DCC: variants seen among roughly 807,000 people sequenced by gnomAD.
DCC encodes the protein DCC netrin 1 receptor.
Under a neutral mutation model 172.5 loss-of-function variants are expected in DCC, and 58 were observed. That is an observed-to-expected ratio of 0.34 (90% CI 0.27 to 0.42). DCC has a LOEUF of 0.42. Ranked by LOEUF, DCC falls within the 10% of genes least tolerant of loss-of-function variation. The pLI is 1.00. For synonymous variants in DCC, 709 were observed against 644.5 expected (o/e 1.10, Z -1.52); for missense variants, 1,740 against 1,791.0 (o/e 0.97, Z 0.51).
At chr18:53,118,378 G>T (rs1598819839) in intron 7 of DCC, among the ~76,000 whole-genome samples, 1 of 151,648 alleles carries the variant, frequency 6.6e-6, no homozygotes, top group Admixed American at 6.6e-5. Context: ...TTTATAACTA[G>T]AATTTCAGAT....
At chr18:52,673,349 C>T (rs1244419018) in intron 1 of DCC, among the ~76,000 whole-genome samples, 1 of 152,124 alleles carries the variant, frequency 6.6e-6, no homozygotes, top group Non-Finnish European at 1.5e-5. Context: ...TACTTTCTCC[C>T]TCTTTTCTTG....
At chr18:52,863,212 T>G (rs1278957177) in intron 2 of DCC, among the ~76,000 whole-genome samples, 3 of 152,004 alleles carry the variant, frequency 2.0e-5, no homozygotes, top group Non-Finnish European at 4.4e-5. Context: ...TTATAACATT[T>G]CTTACCGAAA....
At chr18:52,874,555 T>A (rs2039373400) in intron 2 of DCC, among the ~76,000 whole-genome samples, 1 of 152,242 alleles carries the variant, frequency 6.6e-6, no homozygotes, top group African/African-American at 2.4e-5. Flanking sequence ...TCAGGTTTAA[T>A]TTTTCATCTA....
chr18:53,413,621 T>C (rs938379573), intron 20 of DCC, among the ~76,000 whole-genome samples: 1 of 152,218 alleles, frequency 6.6e-6, no homozygotes, highest in Non-Finnish European at 1.5e-5. Context: ...TTACATGTGG[T>C]TATTTATCCC....
intron 1 of DCC, chr18:52,419,780 T>C (rs950690312): frequency 2.0e-5 from 3 of 152,180 alleles, no homozygotes; most frequent in Admixed American, 6.5e-5. Context: ...TAATTTCTTA[T>C]TAAAACCCAT....
chr18:52,771,177 G>A (rs1034672591), intron 2 of DCC, among the ~76,000 whole-genome samples: 1 of 152,140 alleles, frequency 6.6e-6, no homozygotes, highest in Non-Finnish European at 1.5e-5. Context: ...CATTAGAGCT[G>A]GTGCTTGAGC....
intron 23 of DCC, among the ~76,000 whole-genome samples, chr18:53,456,977 G>A (rs1041012639): frequency 6.6e-6 from 1 of 152,170 alleles, no homozygotes; most frequent in Non-Finnish European, 1.5e-5. Flanking sequence ...GGCTCTCCAA[G>A]GCCAAAGATT....
chr18:52,849,162 T>C (rs1399406628), intron 2 of DCC, among the ~76,000 whole-genome samples: 1 of 152,098 alleles, frequency 6.6e-6, no homozygotes, highest in Non-Finnish European at 1.5e-5. Context: ...AATCATATAG[T>C]TGGGAAAAGG....
intron 5 of DCC, among the ~76,000 whole-genome samples, chr18:52,939,395 GTTA>G (rs913141270): frequency 2.0e-5 from 3 of 152,156 alleles, no homozygotes; most frequent in African/African-American, 7.2e-5. Flanking sequence ...ATCACAGTCT[GTTA>G]TTATCTACTT....
chr18:52,521,174 G>A (rs927837207), intron 1 of DCC, among the ~76,000 whole-genome samples: 2 of 136,582 alleles, frequency 1.5e-5, no homozygotes, highest in East Asian at 1.9e-4. Context: ...TACTTGAATT[G>A]TGAATTTTTT....
chr18:52,508,735 T>C (rs1244344834), intron 1 of DCC, among the ~76,000 whole-genome samples: 1 of 152,204 alleles, frequency 6.6e-6, no homozygotes, highest in African/African-American at 2.4e-5. Context: ...TTCTTAAAGT[T>C]TGAGAGGAGA....
chr18:53,172,796 A>G (rs1303218922), intron 8 of DCC, among the ~76,000 whole-genome samples: 4 of 152,062 alleles, frequency 2.6e-5, no homozygotes, highest in African/African-American at 4.8e-5. Flanking sequence ...AGTTCCCATG[A>G]TCCAAAGAAG....
chr18:53,063,534 T>TC, intron 6 of DCC, 75 bp downstream of exon 6: 1 of 1,210,800 alleles, frequency 8.3e-7, no homozygotes, highest in Non-Finnish European at 1.2e-6. Flanking sequence ...TTTTATTTCT[T>TC]GAAAAAAAAA....
chr18:52,648,116 T>C (rs1051653701), intron 1 of DCC, among the ~76,000 whole-genome samples: 1 of 152,138 alleles, frequency 6.6e-6, no homozygotes, highest in African/African-American at 2.4e-5. Flanking sequence ...AGCAAGAACA[T>C]CTGGGGTGTT....
At chr18:53,252,182 T>C (rs1293870079) in intron 12 of DCC, among the ~76,000 whole-genome samples, 2 of 152,012 alleles carry the variant, frequency 1.3e-5, no homozygotes, top group African/African-American at 4.8e-5. Context: ...TATTTGACCT[T>C]CATTTGTTGC....
chr18:52,613,404 C>T (rs1346441256), intron 1 of DCC, among the ~76,000 whole-genome samples: 9 of 152,036 alleles, frequency 5.9e-5, no homozygotes, highest in Admixed American at 2.0e-4. Context: ...TACAGGCACC[C>T]GCCACCACGC....
rs138004615 is a variant in DCC at position 53,029,537 on chromosome 18, A to C, written c.986-33768A>C. Reference sequence around the variant, plus strand: ...ATGCCTGGTTTGTAGCCTTTACCATACTTCATGGAAATTATCTACTTCTAT... The same window carrying C: ...ATGCCTGGTTTGTAGCCTTTACCATCCTTCATGGAAATTATCTACTTCTAT... On this transcript the variant is annotated intron_variant, in intron 5 of 28. Coordinates refer to ENST00000442544, the MANE Select transcript of DCC (RefSeq NM_005215.4). Among the ~76,000 whole-genome samples, 370 of 152,260 alleles carry C rather than the reference A, an allele frequency of 2.4e-3. 1 individual carries two copies. Among genetic ancestry groups the C allele is most frequent in the African/African-American group, 8.5e-3 (352 of 41,554 alleles).
chr18:53,389,077 C>G (rs1908375126), intron 16 of DCC, among the ~76,000 whole-genome samples: 1 of 152,182 alleles, frequency 6.6e-6, no homozygotes, highest in Non-Finnish European at 1.5e-5. Context: ...AGTCACCACA[C>G]CCATCTAAAG....
chr18:53,364,152 G>A (rs558489762), intron 15 of DCC, among the ~76,000 whole-genome samples: 58 of 152,194 alleles, frequency 3.8e-4, no homozygotes, highest in African/African-American at 1.4e-3. Flanking sequence ...AATAAAAATT[G>A]TAACCTAGTA....
Sources: gnomAD v4.1 joint callset for allele counts (sites outside exome capture counted in the v4.1 genomes callset) on GRCh38, gnomAD v4.1.1 for gene constraint, MANE v1.5 for transcripts, NCBI Gene and HGNC (gene_info 2026-07-23, HGNC 2026-07-21) for gene names.